The following WDR76 variants were observed in gnomAD, a reference collection of about 807,000 sequenced individuals.
The protein encoded by WDR76 is WD repeat domain 76.
WDR76 carries 52 observed loss-of-function variants against 70.2 expected under a neutral mutation model. The observed-to-expected ratio is 0.74, with a 90% CI of 0.59 to 0.93. The LOEUF is 0.93. Ranked by LOEUF, WDR76 falls within the 40% of genes least tolerant of loss-of-function variation. WDR76 has a pLI of 0.00. For missense variants in WDR76, 756 were observed against 760.2 expected (o/e 0.99, Z 0.07); for synonymous variants, 292 against 271.1 (o/e 1.08, Z -0.76).
Position 43,863,591 on chromosome 15 carries a change from G to A in WDR76, c.1616+2205G>A, listed in dbSNP as rs547232798. 2.6e-4 allele frequency among the ~76,000 whole-genome samples: 38 copies of A among 148,806 alleles called. 1 individual carries two copies. The highest frequency in any genetic ancestry group is 4.9e-4 in the African/African-American group (20 of 40,554). On this transcript the variant is annotated intron_variant, in intron 12 of 12. Coordinates refer to ENST00000263795, the MANE Select transcript of WDR76 (RefSeq NM_024908.4). ...AAAAAAAAAAAAGAAACAGGGTCTC[G>A]CTCCCTTGCCCAGTATGGAGTGTGG...
intron 7 of WDR76, 68 bp from the exon 8 acceptor site, chr15:43,843,833 A>G (rs982976146): frequency 7.2e-5 from 96 of 1,340,330 alleles, no homozygotes; most frequent in Non-Finnish European, 9.1e-5. Flanking sequence ...CTTTTTGAAT[A>G]ATCTTTTACT....
intron 2 of WDR76, among the ~76,000 whole-genome samples, chr15:43,832,549 G>A (rs564569805): frequency 2.0e-5 from 3 of 151,668 alleles, no homozygotes; most frequent in African/African-American, 7.3e-5. Context: ...AGGTTCAAGC[G>A]ATTCTCCTGT....
chr15:43,840,548 ATATG>A (rs2087711887), intron 5 of WDR76, among the ~76,000 whole-genome samples: 1 of 152,206 alleles, frequency 6.6e-6, no homozygotes, highest in Non-Finnish European at 1.5e-5. Context: ...TTAATACTTT[ATATG>A]TAAGTGTTTA....
chr15:43,849,174 C>CAA (rs1221622507), intron 8 of WDR76, among the ~76,000 whole-genome samples: 1 of 60,948 alleles, frequency 1.6e-5, no homozygotes, highest in Non-Finnish European at 3.5e-5. Flanking sequence ...GACTTCATCT[C>CAA]AAAAAAAAAA....
intron 10 of WDR76, among the ~76,000 whole-genome samples, chr15:43,857,948 T>C (rs1301742347): frequency 6.7e-6 from 1 of 149,398 alleles, no homozygotes; most frequent in Non-Finnish European, 1.5e-5. Flanking sequence ...ATAAGAGTAT[T>C]AGAGGGTTCT....
Position 43,834,992 on chromosome 15 carries a change from G to A in WDR76, c.463-69G>A, listed in dbSNP as rs903217212. 1.6e-5 allele frequency: 20 copies of A among 1,264,890 alleles called. No individual in the cohort carries two copies. The Admixed American group carries it at 3.7e-4, about 23-fold the overall frequency. The allele number at this position is 1,264,890 out of a possible 1,614,324, so 78.4% of individuals were successfully genotyped here. A position where few individuals can be genotyped will look rare whatever the true frequency, so the allele number is the denominator to read the frequency against. ...AGTATTCATGTAGAAAATGAAACAT[G>A]TAGTTTTGTGAAGTGCTTTTCCTGT... On this transcript the variant is annotated intron_variant, in intron 2 of 12. Coordinates refer to ENST00000263795, the MANE Select transcript of WDR76 (RefSeq NM_024908.4).
chr15:43,866,238 T>TC lies in WDR76; in HGVS notation c.1728dup (p.Phe577LeufsTer3). On this transcript the variant is annotated frameshift_variant, in exon 13 of 13. Coordinates refer to ENST00000263795, the MANE Select transcript of WDR76 (RefSeq NM_024908.4). LOFTEE classifies it high-confidence loss of function. ...ATGGCCCATCCACGACGGGTAGAAA[T>TC]CTTCCATGAGACAGGAAAGAGGGTG... 6.2e-7 allele frequency: 1 copy of TC among 1,614,154 alleles called. No homozygotes were observed. The highest frequency in any genetic ancestry group is 8.5e-7 in the Non-Finnish European group (1 of 1,180,030).
At chr15:43,828,730 T>C (rs2087549398) in intron 2 of WDR76, among the ~76,000 whole-genome samples, 1 of 152,202 alleles carries the variant, frequency 6.6e-6, no homozygotes, top group Non-Finnish European at 1.5e-5. Context: ...GGACATGGTA[T>C]TGACTGACCT....
At chr15:43,835,755 T>A (rs1451289648) in intron 3 of WDR76, among the ~76,000 whole-genome samples, 1 of 150,520 alleles carries the variant, frequency 6.6e-6, no homozygotes, top group Non-Finnish European at 1.5e-5. Context: ...GCCTCCCGGG[T>A]TCAAGTGATT....
At chr15:43,840,764 A>G (rs2087714519) in intron 5 of WDR76, among the ~76,000 whole-genome samples, 1 of 152,068 alleles carries the variant, frequency 6.6e-6, no homozygotes, top group Non-Finnish European at 1.5e-5. Flanking sequence ...GGATCGCTTG[A>G]ACCCAGAAGT....
rs903068131 is a variant in WDR76, at chr15:43,847,259, C to CT, written c.1032+3213dup. 1.5e-4 allele frequency among the ~76,000 whole-genome samples: 23 copies of CT among 151,580 alleles called. No homozygotes were observed. The East Asian group carries it at 2.5e-3, about 17-fold the overall frequency. ...TATTTAAAAAATGTAAAATTCAATG[C>CT]TTTTTTTTCTTTTTTTTTGAGATGG... On this transcript the variant is annotated intron_variant, in intron 8 of 12. Transcript: ENST00000263795.
chr15:43,844,451 G>C (rs923107938), intron 8 of WDR76, among the ~76,000 whole-genome samples: 11 of 151,396 alleles, frequency 7.3e-5, no homozygotes, highest in African/African-American at 2.4e-4. Context: ...AACCCCGTCT[G>C]TAGTAAAAAA....
chr15:43,828,911 T>C (rs1348549033), intron 2 of WDR76, among the ~76,000 whole-genome samples: 2 of 151,822 alleles, frequency 1.3e-5, no homozygotes, highest in Non-Finnish European at 2.9e-5. Flanking sequence ...TTTTCTTTTT[T>C]TTTTTTTTGG....
rs1015118484 is a variant in WDR76 at position 43,828,190 on chromosome 15, C to A, written c.286C>A (p.Pro96Thr). ...GAAAACTTGCAGAAGGATTATACCT[C>A]CAAAGATGAAAAACACATCTTCCAA... ...IKKTCRRIIPPKMKNTSSKAE... is the reference protein window; with the variant it reads ...IKKTCRRIIPTKMKNTSSKAE... The change falls in exon 2 of 13, where the codon CCA becomes ACA. Residue 96 changes from proline (P) to threonine (T), a missense_variant. By Grantham distance (38) the Pro-to-Thr change is conservative (BLOSUM62 -1). Transcript: ENST00000263795. 3 of 1,614,152 alleles carry A rather than the reference C, an allele frequency of 1.9e-6. No homozygotes were observed. The African/African-American group carries it at 4.0e-5, about 22-fold the overall frequency.
chr15:43,861,355 T>A lies in WDR76; in HGVS notation c.1585T>A (p.Ser529Thr). The change falls in exon 12 of 13, where the codon TCT (serine) becomes ACT (threonine). Residue 529 changes from serine (S) to threonine (T), a missense_variant. Ser to Thr is a moderately conservative substitution (Grantham distance 58). Transcript: ENST00000263795. ...NLRIFDSSCI[S>T]SKIPLLTTIR... ...CAGAATTTTTGACAGCAGCTGTATATCTTCTAAGATTCCGCTCCTCACCAC... is the reference window on the plus strand; with the variant it reads ...CAGAATTTTTGACAGCAGCTGTATAACTTCTAAGATTCCGCTCCTCACCAC... 1 of 1,614,050 alleles carries A rather than the reference T, an allele frequency of 6.2e-7. No homozygotes were observed. Among genetic ancestry groups the A allele is most frequent in the Non-Finnish European group, 8.5e-7 (1 of 1,179,976 alleles).
chr15:43,856,465 A>C (rs1567191469), intron 9 of WDR76, among the ~76,000 whole-genome samples: 1 of 152,194 alleles, frequency 6.6e-6, no homozygotes, highest in Non-Finnish European at 1.5e-5. Context: ...TTTTCTGTTA[A>C]GTTTCACAGG....
chr15:43,835,808 G>A (rs531972108), intron 3 of WDR76, among the ~76,000 whole-genome samples: 16 of 151,770 alleles, frequency 1.1e-4, no homozygotes, highest in South Asian at 6.3e-4. Flanking sequence ...ACAGGCGCCC[G>A]CCACCACGCC....
At chr15:43,839,771 C>A (rs1345702508) in intron 5 of WDR76, 43 bp downstream of exon 5, 1 of 1,532,712 alleles carries the variant, frequency 6.5e-7, no homozygotes, top group South Asian at 1.3e-5. Context: ...TAATAAAATA[C>A]TGAAAAATTT....
intron 8 of WDR76, among the ~76,000 whole-genome samples, chr15:43,849,174 CAAA>C (rs1221622507): frequency 1.3e-4 from 8 of 60,956 alleles, no homozygotes; most frequent in African/African-American, 2.7e-4. Context: ...GACTTCATCT[CAAA>C]AAAAAAAAAA....
Sources: gnomAD v4.1 joint callset for allele counts (sites outside exome capture counted in the v4.1 genomes callset) on GRCh38, gnomAD v4.1.1 for gene constraint, MANE v1.5 for transcripts, NCBI Gene and HGNC (gene_info 2026-07-23, HGNC 2026-07-21) for gene names.